Variants in ZNF440 observed in about 807,000 individuals in gnomAD.
ZNF440 encodes the protein zinc finger protein 440.
Under a neutral mutation model 49.7 loss-of-function variants are expected in ZNF440, and 47 were observed. That is an observed-to-expected ratio of 0.95 (90% CI 0.75 to 1.21). ZNF440 has a LOEUF of 1.21. Ranked by LOEUF, ZNF440 falls within the 50% of genes most tolerant of loss-of-function variation. The pLI, the probability that ZNF440 is intolerant of heterozygous loss-of-function variation, is 0.00. For synonymous variants in ZNF440, 255 were observed against 237.7 expected, an observed-to-expected ratio of 1.07 and a Z score of -0.67; for missense variants, 703 against 715.0, an observed-to-expected ratio of 0.98 and a Z score of 0.19.
intron 1 of ZNF440, among the ~76,000 whole-genome samples, chr19:11,828,049 A>T (rs1460550381): frequency 6.6e-6 from 1 of 152,166 alleles, no homozygotes; most frequent in Non-Finnish European, 1.5e-5. Flanking sequence ...CCGACGTGTG[A>T]AAAATCAGAC....
chr19:11,832,625 G>T lies in ZNF440; in HGVS notation c.1449G>T (p.Glu483Asp). 6.2e-7 allele frequency: 1 copy of T among 1,613,822 alleles called. No homozygotes were observed. Among genetic ancestry groups the T allele is most frequent in the East Asian group, 2.2e-5 (1 of 44,872 alleles). Residue 483 changes from glutamate (E) to aspartate (D), a missense_variant, in exon 4 of 4, where the codon GAG becomes GAT. By Grantham distance (45) the Glu-to-Asp change is conservative. Coordinates refer to ENST00000304060, the MANE Select transcript of ZNF440 (RefSeq NM_152357.3). ...FQRHEKTHTG[E>D]KLYECKQRSV... ...GACATGAAAAAACTCACACTGGAGAGAAACTCTATGAATGCAAGCAACGTT... is the reference window on the plus strand; with the variant it reads ...GACATGAAAAAACTCACACTGGAGATAAACTCTATGAATGCAAGCAACGTT...
chr19:11,820,901 G>A (rs896491391), intron 1 of ZNF440, among the ~76,000 whole-genome samples: 1 of 152,174 alleles, frequency 6.6e-6, no homozygotes, highest in Non-Finnish European at 1.5e-5. Context: ...TCAACGGGGT[G>A]GAGCAATAGC....
intron 1 of ZNF440, among the ~76,000 whole-genome samples, chr19:11,814,817 T>C (rs1434576381): frequency 6.6e-6 from 1 of 152,180 alleles, no homozygotes; most frequent in Non-Finnish European, 1.5e-5. Flanking sequence ...AGCAAATTTA[T>C]TTCTACACAA....
chr19:11,832,057 C>G lies in ZNF440; in HGVS notation c.881C>G (p.Thr294Arg). ...TGTAAGGAATGTGGAAAAGCATTCACGTGTCCCCGTTATGTTCGTATACAT... is the reference window on the plus strand; with the variant it reads ...TGTAAGGAATGTGGAAAAGCATTCAGGTGTCCCCGTTATGTTCGTATACAT... ...YQCKECGKAFTCPRYVRIHER... is the reference protein window; with the variant it reads ...YQCKECGKAFRCPRYVRIHER... Residue 294 changes from threonine to arginine, a missense_variant, in exon 4 of 4, where the codon ACG (threonine) becomes AGG (arginine). Physicochemically the swap from Thr to Arg is moderately conservative, Grantham distance 71. Transcript: ENST00000304060. The G allele has an allele frequency of 4.3e-6, 7 of 1,614,038 alleles. No individual in the cohort carries two copies. The highest frequency in any genetic ancestry group is 5.9e-6 in the Non-Finnish European group (7 of 1,179,994).
intron 1 of ZNF440, among the ~76,000 whole-genome samples, chr19:11,825,802 C>T (rs112666197): frequency 8.6e-4 from 47 of 54,850 alleles, no homozygotes; most frequent in Middle Eastern, 8.3e-3. Context: ...TTTTTTTTTT[C>T]TTTTCTTTTC....
Position 11,814,426 on chromosome 19 carries a change from G to C in ZNF440, c.-22G>C, listed in dbSNP as rs367821353. The C allele has an allele frequency of 2.6e-6, 4 of 1,557,850 alleles. No homozygotes were observed. The highest frequency in any genetic ancestry group is 3.4e-4 in the Middle Eastern group (2 of 5,882). ...TCGCGGGAGCCACGCAGAGGACGCCGGAACACCCTGGAAGCCGAGAAATGG... is the reference window on the plus strand; with the variant it reads ...TCGCGGGAGCCACGCAGAGGACGCCCGAACACCCTGGAAGCCGAGAAATGG... On this transcript the variant is annotated 5_prime_UTR_variant, in exon 1 of 4. Transcript: ENST00000304060.
At chr19:11,824,087 G>A (rs1359438708) in intron 1 of ZNF440, among the ~76,000 whole-genome samples, 1 of 151,022 alleles carries the variant, frequency 6.6e-6, no homozygotes, top group Non-Finnish European at 1.5e-5. Context: ...GGAGGCTGAG[G>A]TAGAAGGATC....
At chr19:11,818,682 A>G (rs1975762681) in intron 1 of ZNF440, among the ~76,000 whole-genome samples, 1 of 152,050 alleles carries the variant, frequency 6.6e-6, no homozygotes, top group Non-Finnish European at 1.5e-5. Flanking sequence ...CTGAGACTAT[A>G]GTCGCCCACC....
intron 1 of ZNF440, among the ~76,000 whole-genome samples, chr19:11,819,294 A>G (rs552103701): frequency 6.6e-6 from 1 of 152,296 alleles, no homozygotes; most frequent in African/African-American, 2.4e-5. Context: ...GAGGGTTCCA[A>G]CTGGCTATGT....
At position 11,831,990 on chromosome 19, in the gene ZNF440, C is replaced by G; in HGVS notation, c.814C>G (p.Arg272Gly). ...AGCATTTCATAGTCCCAGATCCTAT[C>G]GTAGACATGAAAGGATTCACATGGG... ...GKAFHSPRSY[R>G]RHERIHMGEK... The change falls in exon 4 of 4, where the codon CGT (arginine) becomes GGT (glycine). Residue 272 changes from arginine to glycine, a missense_variant. Arg to Gly is a moderately radical substitution (Grantham distance 125). Coordinates refer to ENST00000304060, the MANE Select transcript of ZNF440 (RefSeq NM_152357.3). 6.2e-7 allele frequency: 1 copy of G among 1,613,908 alleles called. No homozygotes were observed. Among genetic ancestry groups the G allele is most frequent in the South Asian group, 1.1e-5 (1 of 91,072 alleles).
intron 1 of ZNF440, chr19:11,816,869 G>A (rs999307455): frequency 3.3e-5 from 5 of 152,228 alleles, no homozygotes; most frequent in Non-Finnish European, 7.3e-5. Context: ...GACCTCAAGT[G>A]ATCCACTGGC....
rs1975986596 is a variant in ZNF440, at chr19:11,833,961, CCCATTGGTG to C, written c.*998_*1006del. 3.5e-6 allele frequency: 1 copy of C among 285,206 alleles called. No homozygotes were observed. The highest frequency in any genetic ancestry group is 7.6e-5 in the East Asian group (1 of 13,100). 17.7% of individuals were successfully genotyped at this position (285,206 alleles called of 1,614,324 possible). On this transcript the variant is annotated 3_prime_UTR_variant, in exon 4 of 4. Coordinates refer to ENST00000304060, the MANE Select transcript of ZNF440 (RefSeq NM_152357.3). ...CTTTTTAAATAAGAAGCTATAATATCCCATTGGTGTCATGTATTAGATCAGCCTTATACT... is the reference window on the plus strand; with the variant it reads ...CTTTTTAAATAAGAAGCTATAATATCTCATGTATTAGATCAGCCTTATACT...
chr19:11,823,532 TTAA>T (rs1399984257), intron 1 of ZNF440, among the ~76,000 whole-genome samples: 1 of 152,078 alleles, frequency 6.6e-6, no homozygotes, highest in Non-Finnish European at 1.5e-5. Flanking sequence ...ATAGTGCTAT[TTAA>T]TCTCCTTTTA....
rs13382063 is a variant in ZNF440 at position 11,821,612 on chromosome 19, A to G, written c.3+7162A>G. ...GGGGGGTATAGTGCAGTGTTGGTGG[A>G]AAGTAGTCATTGAGCGCTTCGGTGA... On this transcript the variant is annotated intron_variant, in intron 1 of 3. Coordinates refer to ENST00000304060, the MANE Select transcript of ZNF440 (RefSeq NM_152357.3). Among the ~76,000 whole-genome samples, 481 of 152,246 alleles carry G rather than the reference A, an allele frequency of 3.2e-3. 1 individual carries two copies. The highest frequency in any genetic ancestry group is 6.0e-3 in the Admixed American group (91 of 15,288).
chr19:11,832,116 T>C lies in ZNF440; in HGVS notation c.940T>C (p.Cys314Arg), dbSNP rs764034646. The change falls in exon 4 of 4, where the codon TGT (cysteine) becomes CGT (arginine). Residue 314 changes from cysteine (C) to arginine (R), a missense_variant. By Grantham distance (180) the Cys-to-Arg change is radical. Coordinates refer to ENST00000304060, the MANE Select transcript of ZNF440 (RefSeq NM_152357.3). ...RTHSRKNLYE[C>R]KQCGKALSSL... ...CCACTCTAGGAAAAATCTCTATGAA[T>C]GTAAGCAGTGTGGGAAAGCATTATC... 1.8e-5 allele frequency: 29 copies of C among 1,614,208 alleles called. No individual in the cohort carries two copies. In the East Asian group the frequency reaches 5.6e-4, roughly 31 times the overall value.
At chr19:11,821,455 A>C (rs1483006152) in intron 1 of ZNF440, among the ~76,000 whole-genome samples, 1 of 152,176 alleles carries the variant, frequency 6.6e-6, no homozygotes, top group Non-Finnish European at 1.5e-5. Context: ...GGTGCTATTG[A>C]GAGAAAAGAG....
At chr19:11,821,383 C>T (rs1246342990) in intron 1 of ZNF440, among the ~76,000 whole-genome samples, 4 of 152,178 alleles carry the variant, frequency 2.6e-5, no homozygotes, top group Non-Finnish European at 5.9e-5. Context: ...AGATGCTCAG[C>T]ATTTCTTTCC....
Position 11,832,275 on chromosome 19 carries a change from C to A in ZNF440, c.1099C>A (p.Pro367Thr). ...TGAAAAAATTCACAGTGGAGAGAAA[C>A]CCTATAAATGTAAGCAGTGTGGTAA... ...RHEKIHSGEKPYKCKQCGKAF... is the reference protein window; with the variant it reads ...RHEKIHSGEKTYKCKQCGKAF... The change falls in exon 4 of 4, where the codon CCC becomes ACC. Residue 367 changes from proline to threonine, a missense_variant. Physicochemically the swap from Pro to Thr is conservative, Grantham distance 38. Coordinates refer to ENST00000304060, the MANE Select transcript of ZNF440 (RefSeq NM_152357.3). The A allele has an allele frequency of 1.2e-6, 2 of 1,614,028 alleles. No homozygotes were observed. Among genetic ancestry groups the A allele is most frequent in the South Asian group, 1.1e-5 (1 of 91,076 alleles).
intron 1 of ZNF440, among the ~76,000 whole-genome samples, chr19:11,826,785 T>C (rs1015462857): frequency 6.6e-6 from 1 of 151,112 alleles, no homozygotes; most frequent in South Asian, 2.1e-4. Flanking sequence ...TGACTCAGAC[T>C]CCCGAATAGC....
Sources: gnomAD v4.1 joint callset for allele counts (sites outside exome capture counted in the v4.1 genomes callset) on GRCh38, gnomAD v4.1.1 for gene constraint, MANE v1.5 for transcripts, NCBI Gene and HGNC (gene_info 2026-07-23, HGNC 2026-07-21) for gene names.